ELMO2: variants seen among roughly 807,000 people sequenced by gnomAD.
ELMO2 encodes the protein engulfment and cell motility protein 2.
ELMO2 carries 37 observed loss-of-function variants against 96.2 expected under a neutral mutation model. The ratio of observed to expected loss-of-function variants is 0.38; its 90% CI spans 0.30 to 0.51. ELMO2 has a LOEUF of 0.51. Among genes scored for constraint, ELMO2 ranks in the 20% least tolerant of loss-of-function variants. ELMO2 has a pLI of 0.88. For synonymous variants in ELMO2, 315 were observed against 329.4 expected (o/e 0.96, Z 0.47); for missense variants, 561 against 912.6 (o/e 0.61, Z 4.96).
intron 11 of ELMO2, chr20:46,376,747 G>A: frequency 6.2e-6 from 8 of 1,289,296 alleles, no homozygotes; most frequent in Non-Finnish European, 8.1e-6. Flanking sequence ...GCCCAAATGA[G>A]GCTCTCCTCC....
intron 2 of ELMO2, among the ~76,000 whole-genome samples, chr20:46,395,475 C>G (rs940745356): frequency 6.6e-6 from 1 of 152,190 alleles, no homozygotes; most frequent in East Asian, 1.9e-4. Context: ...ATGAAAAAGA[C>G]CTTTCTGCAT....
intron 11 of ELMO2, among the ~76,000 whole-genome samples, chr20:46,378,983 G>A (rs2059909091): frequency 6.6e-6 from 1 of 152,080 alleles, no homozygotes; most frequent in Admixed American, 6.5e-5. Context: ...GTTTCTGACA[G>A]TTGATAAAGT....
rs1272453055 is a variant in ELMO2, at chr20:46,386,172, T to A, written c.629A>T (p.Lys210Met). The A allele has an allele frequency of 8.1e-6, 13 of 1,614,058 alleles. No homozygotes were observed. The highest frequency in any genetic ancestry group is 1.1e-5 in the Non-Finnish European group (13 of 1,180,016). The change falls in exon 9 of 22, where the codon AAG becomes ATG. Residue 210 changes from lysine (K) to methionine (M), a missense_variant. Transcript: ENST00000290246. ...MVLNSQSLYQ[K>M]IAEEITVGQL... ...TCCCACGGTGATTTCCTCGGCTATC[T>A]TCTGGTACAGACTCTGGCTGTTCAA... is the stretch of plus-strand genomic sequence containing the variant.
intron 4 of ELMO2, among the ~76,000 whole-genome samples, 196 bp from the exon 5 acceptor site, chr20:46,393,797 T>C (rs2145841355): frequency 6.6e-6 from 1 of 152,280 alleles, no homozygotes; most frequent in East Asian, 1.9e-4. Flanking sequence ...ATAGGAGGTG[T>C]GCAGAACTGA....
intron 8 of ELMO2, 136 bp from the exon 9 acceptor site, chr20:46,386,411 G>T: frequency 8.3e-7 from 1 of 1,199,234 alleles, no homozygotes; most frequent in Non-Finnish European, 1.1e-6. Context: ...GTGGTATCTG[G>T]TTTACGGCTA....
rs2060288219 is a variant in ELMO2 at position 46,398,726 on chromosome 20, G to A, written c.-80C>T. The A allele has an allele frequency of 1.3e-5, 2 of 152,058 alleles. No individual in the cohort carries two copies. The highest frequency in any genetic ancestry group is 4.1e-4 in the South Asian group (2 of 4,826). 9.4% of individuals were successfully genotyped at this position (152,058 alleles called of 1,614,324 possible). A position where few individuals can be genotyped will look rare whatever the true frequency, so the allele number is the denominator to read the frequency against. ...CAGGTAAGGCAACTGAAGTTCAGAC[G>A]GATTGACAAACTTGTTCTCCATGTA... On this transcript the variant is annotated 5_prime_UTR_variant, in exon 2 of 22. Coordinates refer to ENST00000290246, the MANE Select transcript of ELMO2 (RefSeq NM_133171.5).
In ELMO2 at chr20:46,367,454, C is replaced by T. The variant is rs756148777; in HGVS notation, c.2069G>A (p.Arg690Gln). The T allele has an allele frequency of 2.5e-6, 4 of 1,613,388 alleles. No individual in the cohort carries two copies. Among genetic ancestry groups the T allele is most frequent in the East Asian group, 2.2e-5 (1 of 44,778 alleles). The change falls in exon 22 of 22, where the codon CGG becomes CAG. Residue 690 changes from arginine to glutamine, a missense_variant. Physicochemically the swap from Arg to Gln is conservative, Grantham distance 43. Coordinates refer to ENST00000290246, the MANE Select transcript of ELMO2 (RefSeq NM_133171.5). ...CTGGATGTTCTCCAGGTCCAGGAGC[C>T]GCAGCTTCATCTCCATGCTCAGCAG... ...DTLLSMEMKL[R>Q]LLDLENIQIP...
chr20:46,372,006 C>G, intron 16 of ELMO2, 37 bp from the exon 17 acceptor site: 1 of 1,611,874 alleles, frequency 6.2e-7, no homozygotes. Context: ...CACACCACTA[C>G]TCTTGAGAAA....
chr20:46,389,225 G>A lies in ELMO2; in HGVS notation c.244-5C>T. 2 of 1,612,978 alleles carry A rather than the reference G, an allele frequency of 1.2e-6. No homozygotes were observed. Among genetic ancestry groups the A allele is most frequent in the Non-Finnish European group, 1.7e-6 (2 of 1,179,400 alleles). ...CAGCTGGCGTGCAGCCCGGGACTAG[G>A]AGGCCAGGGACAAGATATGTGCCAT... On this transcript the variant is annotated splice_region_variant and splice_polypyrimidine_tract_variant and intron_variant, in intron 6 of 21. Transcript: ENST00000290246.
chr20:46,373,122 C>G (rs1035899580), intron 16 of ELMO2: 5 of 403,290 alleles, frequency 1.2e-5, no homozygotes, highest in Non-Finnish European at 1.8e-5. Flanking sequence ...TCTTCTAATG[C>G]TTATCCTCCT....
intron 16 of ELMO2, 129 bp downstream of exon 16, chr20:46,373,270 C>T (rs1026304093): frequency 1.2e-4 from 156 of 1,317,168 alleles, no homozygotes; most frequent in Middle Eastern, 2.7e-4. Flanking sequence ...GTGCCTCAGT[C>T]TTGTGACTCA....
In ELMO2 at chr20:46,375,306, T is replaced by C. The variant is rs1459534143; in HGVS notation, c.995A>G (p.Asn332Ser). ...TTTTTCGGTCCCACTCCCAGGGGCATTGCTAGGATCAGACTCTGCGTCAAA... is the reference window on the plus strand; with the variant it reads ...TTTTTCGGTCCCACTCCCAGGGGCACTGCTAGGATCAGACTCTGCGTCAAA... ...IAFDAESDPS[N>S]APGSGTEKRK... The change falls in exon 13 of 22, where the codon AAT becomes AGT. Residue 332 changes from asparagine (N) to serine (S), a missense_variant. Transcript: ENST00000290246. The surrounding 1 kb of genome is among the most constrained non-coding windows in gnomAD (Gnocchi z 4.6). The C allele has an allele frequency of 6.2e-7, 1 of 1,614,086 alleles. No homozygotes were observed. The highest frequency in any genetic ancestry group is 1.3e-5 in the African/African-American group (1 of 74,918).
intron 9 of ELMO2, among the ~76,000 whole-genome samples, chr20:46,384,515 C>T (rs1212571900): frequency 2.0e-5 from 3 of 150,526 alleles, no homozygotes; most frequent in South Asian, 2.1e-4. Flanking sequence ...CCTATCATCC[C>T]TAGGGAGGCA....
chr20:46,374,564 G>A lies in ELMO2; in HGVS notation c.1142C>T (p.Ala381Val). Reference protein sequence around the residue: ...MLALDNMLYLAKVHQDTYIRI... With the variant: ...MLALDNMLYLVKVHQDTYIRI... ...GATGTAGGTGTCCTGGTGGACTTTA[G>A]CCAAGTACAGCATGTTGTCCAAGGC... is the stretch of plus-strand genomic sequence containing the variant. The change falls in exon 14 of 22, where the codon GCT becomes GTT. Residue 381 changes from alanine to valine, a missense_variant. Physicochemically the swap from Ala to Val is moderately conservative, Grantham distance 64. Coordinates refer to ENST00000290246, the MANE Select transcript of ELMO2 (RefSeq NM_133171.5). The A allele has an allele frequency of 6.2e-7, 1 of 1,614,190 alleles. No homozygotes were observed. Among genetic ancestry groups the A allele is most frequent in the Non-Finnish European group, 8.5e-7 (1 of 1,180,024 alleles).
chr20:46,368,772 G>GCT (rs2145750870), intron 21 of ELMO2, 119 bp downstream of exon 21: 2 of 1,013,176 alleles, frequency 2.0e-6, no homozygotes, highest in South Asian at 3.0e-5. Flanking sequence ...GCCTTCCTAG[G>GCT]CTTCAATATA....
chr20:46,402,589 G>A (rs770697272), intron 1 of ELMO2, among the ~76,000 whole-genome samples: 2 of 152,214 alleles, frequency 1.3e-5, no homozygotes, highest in South Asian at 4.1e-4. Flanking sequence ...AGGGAGTGTG[G>A]TGTGCTGGGA....
At position 46,373,388 on chromosome 20, in the gene ELMO2, G is replaced by C. The variant is rs1260694136; in HGVS notation, c.1416+11C>G. On this transcript the variant is annotated intron_variant, in intron 16 of 21. Transcript: ENST00000290246. ...CTCCCGTGGGCCTCAGAGCAGCCCG[G>C]AGACACTGACCTTGTTGAAGTCCTC... 7 of 1,614,108 alleles carry C rather than the reference G, an allele frequency of 4.3e-6. No individual in the cohort carries two copies. Among genetic ancestry groups the C allele is most frequent in the South Asian group, 2.2e-5 (2 of 91,082 alleles).
intron 1 of ELMO2, among the ~76,000 whole-genome samples, chr20:46,404,436 A>G (rs1165998587): frequency 6.6e-6 from 1 of 152,208 alleles, no homozygotes; most frequent in Non-Finnish European, 1.5e-5. Context: ...CACATCAGAT[A>G]TATAGAAAGA....
At chr20:46,391,720 C>G (rs2060153106) in intron 6 of ELMO2, among the ~76,000 whole-genome samples, 1 of 152,164 alleles carries the variant, frequency 6.6e-6, no homozygotes, top group Non-Finnish European at 1.5e-5. Flanking sequence ...TCTCTTCCAT[C>G]TGAACACATT....
Sources: gnomAD v4.1 joint callset for allele counts (sites outside exome capture counted in the v4.1 genomes callset) on GRCh38, gnomAD v4.1.1 for gene constraint, Gnocchi (gnomAD v3.1) non-coding constraint, MANE v1.5 for transcripts, NCBI Gene and HGNC (gene_info 2026-07-23, HGNC 2026-07-21) for gene names.